DIP2A: variants seen among roughly 807,000 people sequenced by gnomAD.
The protein encoded by DIP2A is DIP2 acetate--CoA ligase A.
Under a neutral mutation model 177.4 loss-of-function variants are expected in DIP2A, and 85 were observed. The ratio of observed to expected loss-of-function variants is 0.48; its 90% CI spans 0.40 to 0.57. DIP2A has a LOEUF of 0.57. Among genes scored for constraint, DIP2A ranks in the 20% least tolerant of loss-of-function variants. The probability of loss-of-function intolerance (pLI) is 0.00; values close to 1 mark genes in which losing one functional copy is unlikely to be tolerated. For missense variants in DIP2A, 1,791 were observed against 2,100.2 expected (o/e 0.85, Z 2.88); for synonymous variants, 886 against 881.8 (o/e 1.00, Z -0.08).
chr21:46,545,695 C>G (rs529404233), intron 19 of DIP2A, among the ~76,000 whole-genome samples, 186 bp from the exon 20 acceptor site: 1 of 152,358 alleles, frequency 6.6e-6, no homozygotes, highest in Admixed American at 6.5e-5. Flanking sequence ...TTTCCTGCCT[C>G]AGGAGGCCTG....
rs1183533676 is a variant in DIP2A at position 46,534,641 on chromosome 21, G to A, written c.1596G>A (p.Leu532=). The A allele has an allele frequency of 6.8e-6, 11 of 1,612,544 alleles. No homozygotes were observed. Among genetic ancestry groups the A allele is most frequent in the African/African-American group, 1.3e-5 (1 of 74,902 alleles). ...TVGVTVSHAS[L]LAQCRALTQA... is the part of the protein sequence containing the mutation. ...GGGTCACAGTGTCCCACGCATCCCT[G>A]CTGGCACAGTGCCGGGCTCTGACCC... The change falls in exon 13 of 38, where the codon CTG becomes CTA. Residue 532 remains leucine, a synonymous_variant. Transcript: ENST00000417564.
intron 25 of DIP2A, among the ~76,000 whole-genome samples, chr21:46,552,500 T>C (rs1173029451): frequency 6.6e-6 from 1 of 152,134 alleles, no homozygotes; most frequent in Non-Finnish European, 1.5e-5. Flanking sequence ...CACAGAAAGT[T>C]AAATAACTTA....
chr21:46,572,784 CA>C (rs1200130455), downstream of DIP2A, among the ~76,000 whole-genome samples: 1 of 152,170 alleles, frequency 6.6e-6, no homozygotes, highest in Admixed American at 6.5e-5. Flanking sequence ...AAGCAACATA[CA>C]ATGGACTGAG....
chr21:46,541,247 G>A (rs1051606395), intron 17 of DIP2A, among the ~76,000 whole-genome samples: 1 of 152,028 alleles, frequency 6.6e-6, no homozygotes, highest in Non-Finnish European at 1.5e-5. Context: ...TGCTTTCTGT[G>A]GGCCAGGAGC....
At chr21:46,534,815 G>A (rs2059495890) in intron 13 of DIP2A, 128 bp downstream of exon 13, 3 of 711,606 alleles carry the variant, frequency 4.2e-6, no homozygotes, top group African/African-American at 1.8e-5. Context: ...CATTAATCCG[G>A]GTCATGCCAG....
At chr21:46,512,830 CT>C (rs34912235) in intron 8 of DIP2A, among the ~76,000 whole-genome samples, 125,463 of 150,150 alleles carry the variant, frequency 0.84, 52,735 homozygotes, top group African/African-American at 0.92. Context: ...ACAAAAAAAA[CT>C]TTTTTTTTGT....
Position 46,557,029 on chromosome 21 carries a change from C to G in DIP2A, c.3589C>G (p.Pro1197Ala), listed in dbSNP as rs1232881967. Residue 1197 changes from proline (P) to alanine (A), a missense_variant, in exon 30 of 38, where the codon CCC becomes GCC. By Grantham distance (27) the Pro-to-Ala change is conservative. Transcript: ENST00000417564. The surrounding 1 kb of genome is among the most constrained non-coding windows in gnomAD (Gnocchi z 6.0). ...PSRQIAICLDPYCGLGFALWC... is the reference protein window; with the variant it reads ...PSRQIAICLDAYCGLGFALWC... ...GCGGCAGATCGCCATCTGCCTCGAC[C>G]CCTACTGTGGCCTTGGTTTTGCCCT... 1.2e-6 allele frequency: 2 copies of G among 1,605,162 alleles called. No individual in the cohort carries two copies. The highest frequency in any genetic ancestry group is 1.7e-6 in the Non-Finnish European group (2 of 1,176,138).
At position 46,507,558 on chromosome 21, in the gene DIP2A, C is replaced by T. The variant is rs1001655539; in HGVS notation, c.785-1699C>T. On this transcript the variant is annotated intron_variant, in intron 6 of 37. Transcript: ENST00000417564. ...AGGGTCTATTTCTGGGCTCTGGGCT[C>T]TGTGTGTTGTTCCGTTTCCTTATTT... Among the ~76,000 whole-genome samples, 3 of 151,932 alleles carry T rather than the reference C, an allele frequency of 2.0e-5. No homozygotes were observed. In the South Asian group the frequency reaches 6.2e-4, roughly 32 times the overall value.
chr21:46,470,804 C>T (rs1245964918), intron 1 of DIP2A, among the ~76,000 whole-genome samples: 1 of 150,810 alleles, frequency 6.6e-6, no homozygotes, highest in Non-Finnish European at 1.5e-5. Context: ...TGGTGGGCAC[C>T]TGTATTCCCA....
intron 9 of DIP2A, 128 bp downstream of exon 9, chr21:46,529,311 C>T: frequency 1.5e-6 from 1 of 655,918 alleles, no homozygotes; most frequent in Non-Finnish European, 2.5e-6. Flanking sequence ...TTAAAATCAG[C>T]AGTGAGGACT....
chr21:46,464,844 T>TTTTTTA, intron 1 of DIP2A, among the ~76,000 whole-genome samples: 2 of 111,232 alleles, frequency 1.8e-5, no homozygotes, highest in Non-Finnish European at 3.5e-5. Flanking sequence ...TTTTTTTTTT[T>TTTTTTA]CAAGAAAACA....
Position 46,496,911 on chromosome 21 carries a change from C to A in DIP2A, c.284-77C>A, listed in dbSNP as rs957542247. The A allele has an allele frequency of 1.6e-5, 20 of 1,245,750 alleles. 1 individual carries two copies. The highest frequency in any genetic ancestry group is 1.9e-5 in the Non-Finnish European group (18 of 923,406). The allele number at this position is 1,245,750 out of a possible 1,614,324, so 77.2% of individuals were successfully genotyped here. ...TCCTTTTACCCCCACTGAAAACAAA[C>A]AAAAACATGAAACTTAATTTGTTAC... On this transcript the variant is annotated intron_variant, in intron 3 of 37. Coordinates refer to ENST00000417564, the MANE Select transcript of DIP2A (RefSeq NM_015151.4).
At chr21:46,524,833 A>T (rs1487855628) in intron 8 of DIP2A, among the ~76,000 whole-genome samples, 1 of 141,542 alleles carries the variant, frequency 7.1e-6, no homozygotes, top group African/African-American at 2.7e-5. Flanking sequence ...CAGAAGTTCT[A>T]TCAATCACCT....
rs926862999 is a variant in DIP2A, at chr21:46,478,258, G to A, written c.92-6499G>A. 2.6e-5 allele frequency among the ~76,000 whole-genome samples: 4 copies of A among 151,776 alleles called. No individual in the cohort carries two copies. The South Asian group carries it at 8.3e-4, about 32-fold the overall frequency. ...AGGGAGTTTCGCTCTTGTTGCCCAG[G>A]CTGGAGTGCAATGGCGCGATCCCGG... On this transcript the variant is annotated intron_variant, in intron 1 of 37. Coordinates refer to ENST00000417564, the MANE Select transcript of DIP2A (RefSeq NM_015151.4).
chr21:46,460,680 A>G (rs912326271), intron 1 of DIP2A, among the ~76,000 whole-genome samples: 1 of 152,002 alleles, frequency 6.6e-6, no homozygotes, highest in Admixed American at 6.5e-5. Flanking sequence ...ATTTTTAACA[A>G]TGTTGTGACA....
At position 46,560,774 on chromosome 21, in the gene DIP2A, G is replaced by A. The variant is rs368863562; in HGVS notation, c.4022G>A (p.Arg1341His). The change falls in exon 33 of 38, where the codon CGC becomes CAC. Residue 1341 changes from arginine to histidine, a missense_variant. Transcript: ENST00000417564. ...GTCTACGTGGACATGCGGGCACTGC[G>A]CCATGACAGGTAATGCTCCCAGCCT... ...TTVYVDMRAL[R>H]HDRVRLVERG... 1.0e-5 allele frequency: 16 copies of A among 1,605,820 alleles called. No individual in the cohort carries two copies. Among genetic ancestry groups the A allele is most frequent in the South Asian group, 2.2e-5 (2 of 89,360 alleles).
chr21:46,579,140 T>C, the DIP2A span, among the ~76,000 whole-genome samples: 1 of 152,192 alleles, frequency 6.6e-6, no homozygotes, highest in Non-Finnish European at 1.5e-5. Flanking sequence ...TCAGGACTTA[T>C]TATTGGTTTA....
intron 7 of DIP2A, among the ~76,000 whole-genome samples, chr21:46,509,606 ATTC>A (rs1254741987): frequency 6.6e-6 from 1 of 152,190 alleles, no homozygotes; most frequent in Non-Finnish European, 1.5e-5. Flanking sequence ...TTTCATAAAA[ATTC>A]TTCTACGGTT....
chr21:46,552,028 A>C, intron 25 of DIP2A, 124 bp downstream of exon 25: 1 of 1,144,358 alleles, frequency 8.7e-7, no homozygotes, highest in South Asian at 1.3e-5. Context: ...GTGCCTGTGG[A>C]CTCAGCCCCC....
Sources: allele counts gnomAD v4.1 joint callset (sites outside exome capture counted in the v4.1 genomes callset), GRCh38; gene constraint gnomAD v4.1.1; non-coding constraint Gnocchi (gnomAD v3.1); transcripts MANE v1.5; gene names NCBI Gene and HGNC (gene_info 2026-07-23, HGNC 2026-07-21).